PARD3: variants seen among roughly 807,000 people sequenced by gnomAD.
PARD3 encodes par-3 family cell polarity regulator, also known as partitioning defective 3 homolog.
In PARD3, 75 loss-of-function variants were observed where a neutral mutation model predicts 155.4. The observed-to-expected ratio is 0.48, with a 90% CI of 0.40 to 0.58. The LOEUF is 0.58. Ranked by LOEUF, PARD3 falls within the 20% of genes least tolerant of loss-of-function variation. The pLI is 0.00. For synonymous variants in PARD3, 576 were observed against 610.5 expected (o/e 0.94, Z 0.83); for missense variants, 1,642 against 1,721.7 (o/e 0.95, Z 0.82).
chr10:34,708,111 A>C (rs1350707364), intron 1 of PARD3, among the ~76,000 whole-genome samples: 1 of 152,188 alleles, frequency 6.6e-6, no homozygotes, highest in African/African-American at 2.4e-5. Flanking sequence ...ATTGAACCTA[A>C]TCAAAACATA....
At chr10:34,606,029 CTATA>C (rs1186224627) in intron 2 of PARD3, among the ~76,000 whole-genome samples, 1 of 127,346 alleles carries the variant, frequency 7.9e-6, no homozygotes, top group African/African-American at 3.0e-5. Context: ...TCTATATCTC[CTATA>C]TATATATATC....
chr10:34,366,050 T>G (rs1457067660), intron 12 of PARD3, among the ~76,000 whole-genome samples: 1 of 152,244 alleles, frequency 6.6e-6, no homozygotes, highest in Non-Finnish European at 1.5e-5. Context: ...ATATGCATTA[T>G]TTTTACAATA....
At chr10:34,485,914 T>G (rs2079422077) in intron 3 of PARD3, among the ~76,000 whole-genome samples, 1 of 146,762 alleles carries the variant, frequency 6.8e-6, no homozygotes, top group African/African-American at 2.7e-5. Context: ...TTTAAACGTT[T>G]TGGGTTTTTT....
chr10:34,703,916 T>C (rs2094323248), intron 1 of PARD3, among the ~76,000 whole-genome samples: 1 of 152,218 alleles, frequency 6.6e-6, no homozygotes, highest in African/African-American at 2.4e-5. Context: ...AGACCTTTTT[T>C]AGAAATGCAA....
chr10:34,432,041 C>CAAAAAAAAAAAAAAAAAAAAAAAAAA (rs142848273), intron 5 of PARD3, among the ~76,000 whole-genome samples: 3 of 21,592 alleles, frequency 1.4e-4, no homozygotes, highest in African/African-American at 3.6e-4. Context: ...GACTCTGTCT[C>CAAAAAAAAAAAAAAAAAAAAAAAAAA]AAAAAAAAAA....
At chr10:34,462,727 T>G (rs2077730278) in intron 4 of PARD3, among the ~76,000 whole-genome samples, 1 of 151,634 alleles carries the variant, frequency 6.6e-6, no homozygotes, top group Admixed American at 6.6e-5. Flanking sequence ...TAGTCCAAGC[T>G]ACTTCATGGG....
chr10:34,608,923 CAGTCTACAGG>C (rs1367421822), intron 2 of PARD3, among the ~76,000 whole-genome samples: 1 of 152,148 alleles, frequency 6.6e-6, no homozygotes, highest in Non-Finnish European at 1.5e-5. Context: ...AGATCATCTA[CAGTCTACAGG>C]AGAGTAGAAA....
At chr10:34,293,741 A>C (rs1235613348) in intron 20 of PARD3, among the ~76,000 whole-genome samples, 2 of 152,220 alleles carry the variant, frequency 1.3e-5, no homozygotes, top group Non-Finnish European at 2.9e-5. Context: ...AAATACTATC[A>C]CTGCTGCCTT....
chr10:34,297,605 T>C (rs1956966121), intron 20 of PARD3, among the ~76,000 whole-genome samples: 1 of 152,198 alleles, frequency 6.6e-6, no homozygotes, highest in South Asian at 2.1e-4. Context: ...ATTTCAGTGG[T>C]AGCATTTTCC....
chr10:34,735,387 A>T (rs1166754757), intron 1 of PARD3, among the ~76,000 whole-genome samples: 1 of 152,208 alleles, frequency 6.6e-6, no homozygotes, highest in Non-Finnish European at 1.5e-5. Context: ...ACAAGATATT[A>T]TGGAATATGC....
chr10:34,149,770 G>A (rs1245866676), intron 22 of PARD3, among the ~76,000 whole-genome samples: 1 of 152,122 alleles, frequency 6.6e-6, no homozygotes, highest in Admixed American at 6.5e-5. Flanking sequence ...TTCAGCACTA[G>A]TGAAAGTATT....
intron 2 of PARD3, among the ~76,000 whole-genome samples, chr10:34,519,875 C>T: frequency 6.9e-6 from 1 of 143,912 alleles, no homozygotes; most frequent in East Asian, 2.0e-4. Flanking sequence ...CATAACATAA[C>T]ATAACATAAA....
In PARD3 at chr10:34,530,729, G is replaced by C. The variant is rs144031785; in HGVS notation, c.223-13570C>G. Among the ~76,000 whole-genome samples the C allele has an allele frequency of 5.1e-3, 779 of 152,234 alleles. 6 individuals carry two copies. Among genetic ancestry groups the C allele is most frequent in the Non-Finnish European group, 8.6e-3 (588 of 68,018 alleles). On this transcript the variant is annotated intron_variant, in intron 2 of 24. Transcript: ENST00000374788. ...CTATCACAAGGAAGGCACCTTCATTGGTAATTCTTCCAGACTTTCATAATA... is the reference window on the plus strand; with the variant it reads ...CTATCACAAGGAAGGCACCTTCATTCGTAATTCTTCCAGACTTTCATAATA...
At chr10:34,203,918 T>C (rs957321847) in intron 22 of PARD3, among the ~76,000 whole-genome samples, 7 of 152,328 alleles carry the variant, frequency 4.6e-5, no homozygotes, top group South Asian at 2.1e-4. Context: ...TTGGGAGATA[T>C]CTAATGTCTT....
intron 1 of PARD3, among the ~76,000 whole-genome samples, chr10:34,812,326 A>T (rs1844287685): frequency 1.3e-5 from 2 of 152,158 alleles, no homozygotes; most frequent in Non-Finnish European, 2.9e-5. Flanking sequence ...TCCCCACCAG[A>T]TGGGAGCTCA....
At chr10:34,651,027 A>C (rs2092998353) in intron 2 of PARD3, among the ~76,000 whole-genome samples, 2 of 131,916 alleles carry the variant, frequency 1.5e-5, no homozygotes, top group Non-Finnish European at 3.4e-5. Context: ...AAAAAAAAAA[A>C]AAAAAAAAAA....
chr10:34,171,982 A>AAAT (rs1949818354), intron 22 of PARD3, among the ~76,000 whole-genome samples: 1 of 142,570 alleles, frequency 7.0e-6, no homozygotes, highest in Non-Finnish European at 1.5e-5. Flanking sequence ...AAAAAAAAAA[A>AAAT]AATTCAGAGT....
chr10:34,220,073 G>A (rs902754265), intron 22 of PARD3, among the ~76,000 whole-genome samples: 4 of 152,154 alleles, frequency 2.6e-5, no homozygotes, highest in African/African-American at 9.7e-5. Context: ...GGTTAAAAGT[G>A]AACAGTAAAC....
At chr10:34,282,418 C>T (rs1366760791) in intron 21 of PARD3, among the ~76,000 whole-genome samples, 5 of 152,124 alleles carry the variant, frequency 3.3e-5, no homozygotes, top group African/African-American at 1.2e-4. Context: ...GAGAAGTGAA[C>T]TGTGCCTTAG....
Sources: allele counts gnomAD v4.1 joint callset (sites outside exome capture counted in the v4.1 genomes callset), GRCh38; gene constraint gnomAD v4.1.1; transcripts MANE v1.5; gene names NCBI Gene and HGNC (gene_info 2026-07-23, HGNC 2026-07-21).